Variants in CGB7 observed in about 807,000 individuals in gnomAD.
The protein encoded by CGB7 is choriogonadotropin subunit beta 7.
A neutral mutation model predicts 7.3 loss-of-function variants in CGB7; 6 were observed. The observed-to-expected ratio is 0.82, with a 90% CI of 0.45 to 1.62. The LOEUF (loss-of-function observed/expected upper bound fraction) is 1.62, where lower values mean the gene tolerates loss of function less well. CGB7 is among the 40% of genes most tolerant of loss of function. CGB7 has a pLI of 0.01. For missense variants in CGB7, 114 were observed against 236.2 expected, an observed-to-expected ratio of 0.48 and a Z score of 3.39; for synonymous variants, 47 against 100.8, an observed-to-expected ratio of 0.47 and a Z score of 3.20.
At chr19:49,056,989 G>T (rs913661970) in intron 2 of CGB7, 132 bp downstream of exon 2, 3 of 970,706 alleles carry the variant, frequency 3.1e-6, no homozygotes, top group Non-Finnish European at 4.6e-6. Flanking sequence ...GGTCTGAACT[G>T]TGGTTGTTGC....
At position 49,056,599 on chromosome 19, in the gene CGB7, T is replaced by C. The variant is rs1243414465; in HGVS notation, c.-1220-4A>G. 5 of 1,279,926 alleles carry C rather than the reference T, an allele frequency of 3.9e-6. No homozygotes were observed. Among genetic ancestry groups the C allele is most frequent in the Non-Finnish European group, 5.1e-6 (5 of 982,582 alleles). 79.3% of individuals were successfully genotyped at this position (1,279,926 alleles called of 1,614,324 possible). ...GGGGTATCCGGACGGCTCCGTCCTG[T>C]GGGAGCAGGGCGGGATGGTGAGGAT... On this transcript the variant is annotated splice_polypyrimidine_tract_variant and splice_region_variant and intron_variant, in intron 2 of 4. Coordinates refer to ENST00000684222, the MANE Select transcript of CGB7 (RefSeq NM_001385261.1).
intron 2 of CGB7, 105 bp downstream of exon 2, chr19:49,057,016 A>G (rs1190975163): frequency 2.5e-5 from 31 of 1,245,734 alleles, no homozygotes; most frequent in East Asian, 1.3e-4. Context: ...AGGAGTCGAG[A>G]CTGAGACCAC....
At position 49,056,529 on chromosome 19, in the gene CGB7, T is replaced by C. The variant is rs1362671771; in HGVS notation, c.-1154A>G. Reference sequence around the variant, plus strand: ...GCCGCTGCGGGTCGTGACTCCAGAGTTGGGGCGTCTCTTCTAAGCTCCAGT... The same window carrying C: ...GCCGCTGCGGGTCGTGACTCCAGAGCTGGGGCGTCTCTTCTAAGCTCCAGT... On this transcript the variant is annotated 5_prime_UTR_variant, in exon 3 of 5. Transcript: ENST00000684222. The C allele has an allele frequency of 1.5e-5, 20 of 1,302,726 alleles. No individual in the cohort carries two copies. Among genetic ancestry groups the C allele is most frequent in the African/African-American group, 4.5e-5 (3 of 66,094 alleles). 80.7% of individuals were successfully genotyped at this position (1,302,726 alleles called of 1,614,324 possible). A position where few individuals can be genotyped will look rare whatever the true frequency, so the allele number is the denominator to read the frequency against.
At position 49,054,886 on chromosome 19, in the gene CGB7, G is replaced by A. The variant is rs1392242187; in HGVS notation, c.138C>T (p.Cys46=). The A allele has an allele frequency of 6.3e-7, 1 of 1,590,640 alleles. No individual in the cohort carries two copies. The highest frequency in any genetic ancestry group is 8.5e-7 in the Non-Finnish European group (1 of 1,173,244). ...LAVEKEGCPV[C]ITVNTTICAG... Reference sequence around the variant, plus strand: ...CACAGATGGTGGTGTTGACGGTGATGCACACGGGGCAGCCCTCCTTCTCCA... The same window carrying A: ...CACAGATGGTGGTGTTGACGGTGATACACACGGGGCAGCCCTCCTTCTCCA... The change falls in exon 4 of 5, where the codon TGC becomes TGT. Residue 46 remains cysteine, a synonymous_variant. Coordinates refer to ENST00000684222, the MANE Select transcript of CGB7 (RefSeq NM_001385261.1).
chr19:49,055,855 T>A lies in CGB7; in HGVS notation c.-480A>T, dbSNP rs1022836576. ...CAGTGAGAGAGGGTCTCCCCGTGAC[T>A]GTGCTGCCAGGGAAGCCACTTGACC... On this transcript the variant is annotated 5_prime_UTR_variant, in exon 3 of 5. Coordinates refer to ENST00000684222, the MANE Select transcript of CGB7 (RefSeq NM_001385261.1). 1,096 of 1,087,778 alleles carry A rather than the reference T, an allele frequency of 1.0e-3. 3 individuals are homozygous for A. Among genetic ancestry groups the A allele is most frequent in the South Asian group, 1.4e-3 (54 of 38,972 alleles). 67.4% of individuals were successfully genotyped at this position (1,087,778 alleles called of 1,614,324 possible).
In CGB7 at chr19:49,055,731, AG is replaced by A. The variant is rs1426564149; in HGVS notation, c.-357del. On this transcript the variant is annotated 5_prime_UTR_variant, in exon 3 of 5. Transcript: ENST00000684222. ...CCAGGAGGAGGCCGTGACCCGAGAA[AG>A]GTGCTGGACTGAAGCCTCAACCCTC... 1.6e-6 allele frequency: 2 copies of A among 1,251,744 alleles called. No homozygotes were observed. Among genetic ancestry groups the A allele is most frequent in the Non-Finnish European group, 2.0e-6 (2 of 986,912 alleles). 77.5% of individuals were successfully genotyped at this position (1,251,744 alleles called of 1,614,324 possible). A position where few individuals can be genotyped will look rare whatever the true frequency, so the allele number is the denominator to read the frequency against.
At chr19:49,054,794 G>C (rs766930136) in intron 4 of CGB7, 47 bp downstream of exon 4, 1 of 1,525,762 alleles carries the variant, frequency 6.6e-7, no homozygotes, top group African/African-American at 1.4e-5. Context: ...GCCTCTGTGG[G>C]TCTGGCCCTG....
At position 49,056,509 on chromosome 19, in the gene CGB7, T is replaced by C. The variant is rs1338101869; in HGVS notation, c.-1134A>G. 1 of 1,302,496 alleles carries C rather than the reference T, an allele frequency of 7.7e-7. No homozygotes were observed. Among genetic ancestry groups the C allele is most frequent in the Non-Finnish European group, 1.0e-6 (1 of 997,688 alleles). The allele number at this position is 1,302,496 out of a possible 1,614,324, so 80.7% of individuals were successfully genotyped here. A position where few individuals can be genotyped will look rare whatever the true frequency, so the allele number is the denominator to read the frequency against. ...GGAAGAGCAGAGACAGGGCTGCCGC[T>C]GCGGGTCGTGACTCCAGAGTTGGGG... On this transcript the variant is annotated 5_prime_UTR_variant, in exon 3 of 5. Coordinates refer to ENST00000684222, the MANE Select transcript of CGB7 (RefSeq NM_001385261.1).
chr19:49,056,199 G>C lies in CGB7; in HGVS notation c.-824C>G, dbSNP rs779282509. On this transcript the variant is annotated 5_prime_UTR_variant, in exon 3 of 5. Transcript: ENST00000684222. ...ACCTAGGTCCGACACCGCGTAGTGA[G>C]CGGCTGCCCAGAGCTCTGCTCCGCC... is the stretch of plus-strand genomic sequence containing the variant. The C allele has an allele frequency of 2.8e-5, 36 of 1,272,102 alleles. No homozygotes were observed. In the African/African-American group the frequency reaches 5.4e-4, roughly 19 times the overall value. The allele number at this position is 1,272,102 out of a possible 1,614,324, so 78.8% of individuals were successfully genotyped here.
chr19:49,057,187 C>G lies in CGB7; in HGVS notation c.-1287G>C, dbSNP rs1322296281. ...GAGCTGGCGGCGGTTCAGGACGCCC[C>G]GGTCGGATACTGTGAAGGGTGGGCC... On this transcript the variant is annotated 5_prime_UTR_variant, in exon 2 of 5. Coordinates refer to ENST00000684222, the MANE Select transcript of CGB7 (RefSeq NM_001385261.1). The G allele has an allele frequency of 3.3e-6, 5 of 1,534,472 alleles. No individual in the cohort carries two copies. The highest frequency in any genetic ancestry group is 3.9e-5 in the Admixed American group (2 of 50,942).
In CGB7 at chr19:49,055,492, GC is replaced by G. The variant is rs1430934108; in HGVS notation, c.-118del. The G allele has an allele frequency of 6.2e-7, 1 of 1,603,642 alleles. No homozygotes were observed. The highest frequency in any genetic ancestry group is 1.3e-5 in the African/African-American group (1 of 74,790). On this transcript the variant is annotated 5_prime_UTR_variant, in exon 3 of 5. Coordinates refer to ENST00000684222, the MANE Select transcript of CGB7 (RefSeq NM_001385261.1). ...GAGCTGGACACTAACCCTTCGGGGG[GC>G]GAGAAGTAGACAAGGCCAGGGAGGC...
chr19:49,057,265 G>A lies in CGB7; in HGVS notation c.-1348-17C>T. ...GATTAGAGCCTGAGCAAGATTGGGG[G>A]AGGAGGCATACCCAAGACATAGATT... On this transcript the variant is annotated splice_polypyrimidine_tract_variant and intron_variant, in intron 1 of 4. Transcript: ENST00000684222. The A allele has an allele frequency of 6.5e-7, 1 of 1,528,154 alleles. No homozygotes were observed. The highest frequency in any genetic ancestry group is 8.8e-7 in the Non-Finnish European group (1 of 1,142,294). The allele number at this position is 1,528,154 out of a possible 1,614,324, so 94.7% of individuals were successfully genotyped here.
At position 49,055,522 on chromosome 19, in the gene CGB7, G is replaced by C. The variant is rs12461088; in HGVS notation, c.-147C>G. ...AAGTAGACAAGGCCAGGGAGGCACA[G>C]GAGTGGCTCAGCGGAGCACCCCAGT... is the stretch of plus-strand genomic sequence containing the variant. On this transcript the variant is annotated 5_prime_UTR_variant, in exon 3 of 5. Transcript: ENST00000684222. The C allele has an allele frequency of 0.2, 310,431 of 1,585,704 alleles. 32,210 individuals are homozygous for C. Among genetic ancestry groups the C allele is most frequent in the Admixed American group, 0.25 (14,860 of 58,408 alleles).
chr19:49,056,990 T>C, intron 2 of CGB7, 131 bp downstream of exon 2: 6 of 963,548 alleles, frequency 6.2e-6, no homozygotes, highest in Non-Finnish European at 9.3e-6. Context: ...GTCTGAACTG[T>C]GGTTGTTGCT....
At position 49,057,138 on chromosome 19, in the gene CGB7, G is replaced by C. The variant is rs1290911501; in HGVS notation, c.-1238C>G. 1 of 1,534,138 alleles carries C rather than the reference G, an allele frequency of 6.5e-7. No individual in the cohort carries two copies. The highest frequency in any genetic ancestry group is 2.4e-5 in the East Asian group (1 of 40,878). On this transcript the variant is annotated 5_prime_UTR_variant, in exon 2 of 5. Coordinates refer to ENST00000684222, the MANE Select transcript of CGB7 (RefSeq NM_001385261.1). ...CGGCTTACTTGGGATAGAACCGAAA[G>C]TCCCGCGCCGAGGTGGTCAGATAGA... is the stretch of plus-strand genomic sequence containing the variant.
intron 1 of CGB7, 65 bp from the exon 2 acceptor site, chr19:49,057,313 G>A: frequency 6.8e-7 from 1 of 1,481,024 alleles, no homozygotes; most frequent in African/African-American, 1.4e-5. Context: ...CCAAGTCCTG[G>A]GTCCCGAGTT....
rs924475924 is a variant in CGB7 at position 49,055,666 on chromosome 19, G to A, written c.-291C>T. ...AGGCTGGAGGCACAGAGAGTAGGGT[G>A]TAGGAAGGCCTGCCTCTGCCTATGG... is the stretch of plus-strand genomic sequence containing the variant. On this transcript the variant is annotated 5_prime_UTR_variant, in exon 3 of 5. Coordinates refer to ENST00000684222, the MANE Select transcript of CGB7 (RefSeq NM_001385261.1). 4 of 1,367,334 alleles carry A rather than the reference G, an allele frequency of 2.9e-6. No homozygotes were observed. Among genetic ancestry groups the A allele is most frequent in the Non-Finnish European group, 3.8e-6 (4 of 1,057,386 alleles). 84.7% of individuals were successfully genotyped at this position (1,367,334 alleles called of 1,614,324 possible).
At chr19:49,056,792 G>C (rs909819433) in intron 2 of CGB7, among the ~76,000 whole-genome samples, 197 bp from the exon 3 acceptor site, 13 of 152,310 alleles carry the variant, frequency 8.5e-5, no homozygotes, top group Admixed American at 8.5e-4. Flanking sequence ...CTGAGCTTTC[G>C]CATCCTAGGG....
intron 4 of CGB7, 63 bp from the exon 5 acceptor site, chr19:49,054,668 C>T: frequency 9.5e-7 from 1 of 1,051,796 alleles, no homozygotes; most frequent in Non-Finnish European, 1.3e-6. Flanking sequence ...GCTGAGCTCC[C>T]CAGCTGCCCC....
Sources: allele counts gnomAD v4.1 joint callset (sites outside exome capture counted in the v4.1 genomes callset), GRCh38; gene constraint gnomAD v4.1.1; transcripts MANE v1.5; gene names NCBI Gene and HGNC (gene_info 2026-07-23, HGNC 2026-07-21).